ANKRD31: variants seen among roughly 807,000 people sequenced by gnomAD.
The protein encoded by ANKRD31 is ankyrin repeat domain-containing protein 31.
In ANKRD31, 147 loss-of-function variants were observed where a neutral mutation model predicts 186.0. The observed-to-expected ratio is 0.79, with a 90% confidence interval of 0.69 to 0.91. ANKRD31 has a LOEUF of 0.91. Ranked by LOEUF, ANKRD31 falls within the 40% of genes least tolerant of loss-of-function variation. ANKRD31 has a pLI of 0.00. For synonymous variants in ANKRD31, 673 were observed against 736.4 expected (o/e 0.91, Z 1.39); for missense variants, 1,986 against 2,148.8 (o/e 0.92, Z 1.50).
chr5:75,230,437 GTAAAATTGGTTTCCTTA>G (rs1042946229), intron 2 of ANKRD31, 108 bp downstream of exon 2: 6 of 652,630 alleles, frequency 9.2e-6, no homozygotes, highest in Non-Finnish European at 1.5e-5. Flanking sequence ...TTAGCTTATG[GTAAAATTGGTTTCCTTA>G]TAATTCATTT....
chr5:75,087,450 C>A (rs1056491195), intron 23 of ANKRD31, among the ~76,000 whole-genome samples: 1 of 151,680 alleles, frequency 6.6e-6, no homozygotes, highest in African/African-American at 2.4e-5. Flanking sequence ...GACGCTGCAG[C>A]GAGCTGAGAT....
At chr5:75,221,856 T>C (rs1444535216) in intron 3 of ANKRD31, among the ~76,000 whole-genome samples, 1 of 152,206 alleles carries the variant, frequency 6.6e-6, no homozygotes, top group Non-Finnish European at 1.5e-5. Context: ...TTCTCTATCT[T>C]ACTGTGTTGT....
rs755607372 is a variant in ANKRD31 at position 75,154,258 on chromosome 5, A to G, written c.1795T>C (p.Cys599Arg). The G allele has an allele frequency of 5.5e-5, 85 of 1,535,332 alleles. No homozygotes were observed. Among genetic ancestry groups the G allele is most frequent in the Non-Finnish European group, 6.9e-5 (79 of 1,145,900 alleles). The change falls in exon 12 of 26, where the codon TGT (cysteine) becomes CGT (arginine). Residue 599 changes from cysteine (C) to arginine (R), a missense_variant. Physicochemically the swap from Cys to Arg is radical, Grantham distance 180. Coordinates refer to ENST00000506364, the MANE Select transcript of ANKRD31 (RefSeq NM_001372053.1). ...TATCTCTCAAGGAGACGCTTCATAC[A>G]TAAATCCTTGGCCTCATCCAAAGCA... ...KCALDEAKDL[C>R]MKRLLERYIP...
intron 22 of ANKRD31, among the ~76,000 whole-genome samples, chr5:75,100,602 T>A (rs1262934326): frequency 6.6e-6 from 1 of 152,124 alleles, no homozygotes; most frequent in African/African-American, 2.4e-5. Context: ...TGAATCTGGG[T>A]GCTCCTGTAT....
chr5:75,236,358 G>C (rs1758274239), intron 1 of ANKRD31, among the ~76,000 whole-genome samples: 1 of 152,220 alleles, frequency 6.6e-6, no homozygotes, highest in African/African-American at 2.4e-5. Context: ...AAGCCACCTA[G>C]TACAAACCTC....
Position 75,091,282 on chromosome 5 carries a change from G to C in ANKRD31, c.5451C>G (p.Thr1817=). The C allele has an allele frequency of 6.5e-7, 1 of 1,536,738 alleles. No homozygotes were observed. Among genetic ancestry groups the C allele is most frequent in the Non-Finnish European group, 8.7e-7 (1 of 1,146,736 alleles). ...KDLLGGNSYV[T]WNYAWSKVTY... ...CCACCTTACTCCAAGCATAATTCCA[G>C]GTCACATAACTGTTGCCTCCCAGAA... Residue 1817 remains threonine (T), a synonymous_variant, in exon 23 of 26, where the codon ACC becomes ACG. Transcript: ENST00000506364.
intron 20 of ANKRD31, among the ~76,000 whole-genome samples, chr5:75,111,488 G>C (rs571579441): frequency 4.0e-4 from 61 of 152,166 alleles, no homozygotes; most frequent in Middle Eastern, 3.4e-3. Context: ...ACGAAAAGTA[G>C]AATGTGCAAA....
At chr5:75,230,486 A>T in intron 2 of ANKRD31, 76 bp downstream of exon 2, 1 of 1,162,864 alleles carries the variant, frequency 8.6e-7, no homozygotes, top group Non-Finnish European at 1.2e-6. Context: ...TCAGTTTCCA[A>T]GAACCTATCA....
intron 25 of ANKRD31, among the ~76,000 whole-genome samples, chr5:75,075,541 C>T (rs981426784): frequency 1.3e-5 from 2 of 152,064 alleles, no homozygotes; most frequent in African/African-American, 4.8e-5. Flanking sequence ...TCAATATACT[C>T]ACTGTTACTT....
At chr5:75,116,333 G>C (rs953830308) in intron 19 of ANKRD31, among the ~76,000 whole-genome samples, 1 of 151,334 alleles carries the variant, frequency 6.6e-6, no homozygotes, top group South Asian at 2.1e-4. Flanking sequence ...TGGGTGCAGC[G>C]CACCAGCATA....
At chr5:75,178,459 T>C (rs1386980058) in intron 10 of ANKRD31, among the ~76,000 whole-genome samples, 1 of 152,064 alleles carries the variant, frequency 6.6e-6, no homozygotes, top group Non-Finnish European at 1.5e-5. Flanking sequence ...CCACACCTAT[T>C]CCAAAATTGA....
At chr5:75,131,003 G>A (rs1749753555) in intron 17 of ANKRD31, among the ~76,000 whole-genome samples, 1 of 152,238 alleles carries the variant, frequency 6.6e-6, no homozygotes, top group African/African-American at 2.4e-5. Context: ...CCCACAAAGA[G>A]AGAACGGTGG....
At position 75,086,925 on chromosome 5, in the gene ANKRD31, T is replaced by C. The variant is rs186244506; in HGVS notation, c.5473-2551A>G. 3.3e-5 allele frequency among the ~76,000 whole-genome samples: 5 copies of C among 152,204 alleles called. No individual in the cohort carries two copies. In the East Asian group the frequency reaches 5.8e-4, roughly 18 times the overall value. ...CACACACATGCATGTTTGAGGAAAATAGATGACTCAGCCAGCCAGTATTCT... is the reference window on the plus strand; with the variant it reads ...CACACACATGCATGTTTGAGGAAAACAGATGACTCAGCCAGCCAGTATTCT... On this transcript the variant is annotated intron_variant, in intron 23 of 25. Coordinates refer to ENST00000506364, the MANE Select transcript of ANKRD31 (RefSeq NM_001372053.1).
rs1300414609 is a variant in ANKRD31, at chr5:75,193,477, G to A, written c.1132C>T (p.Gln378Ter). ...NSNSVTNSSDQETACVLRRSS... is the reference protein window; with the variant it reads ...NSNSVTNSSD Reference sequence around the variant, plus strand: ...CTCCTCAACACACACGCAGTTTCCTGATCAGAGCTATTTGTCACTGAATTT... The same window carrying A: ...CTCCTCAACACACACGCAGTTTCCTAATCAGAGCTATTTGTCACTGAATTT... Residue 378 changes from glutamine (Q) to a stop codon, truncating the protein, a stop_gained, in exon 8 of 26, where the codon CAG becomes TAG. Coordinates refer to ENST00000506364, the MANE Select transcript of ANKRD31 (RefSeq NM_001372053.1). LOFTEE classifies it high-confidence loss of function. 2 of 1,537,204 alleles carry A rather than the reference G, an allele frequency of 1.3e-6. No individual in the cohort carries two copies. The highest frequency in any genetic ancestry group is 1.7e-6 in the Non-Finnish European group (2 of 1,146,792).
chr5:75,146,709 T>A lies in ANKRD31; in HGVS notation c.2702A>T (p.Asp901Val), dbSNP rs1371088186. ...AGAGGTAGAGCAATCATCATCATCA[T>A]CATTATCAGAATTTTCCTTTACAAA... is the stretch of plus-strand genomic sequence containing the variant. ...LSFVKENSDN[D>V]DDDDCSTSEK... Residue 901 changes from aspartate to valine, a missense_variant, in exon 14 of 26, where the codon GAT becomes GTT. By Grantham distance (152) the Asp-to-Val change is radical. Transcript: ENST00000506364. 3 of 1,536,356 alleles carry A rather than the reference T, an allele frequency of 2.0e-6. No individual in the cohort carries two copies. Among genetic ancestry groups the A allele is most frequent in the Non-Finnish European group, 2.6e-6 (3 of 1,146,308 alleles).
Position 75,198,212 on chromosome 5 carries a change from C to T in ANKRD31, c.447+1419G>A, listed in dbSNP as rs182361958. Among the ~76,000 whole-genome samples the T allele has an allele frequency of 7.4e-4, 112 of 152,306 alleles. 1 individual carries two copies. Among genetic ancestry groups the T allele is most frequent in the African/African-American group, 2.5e-3 (106 of 41,580 alleles). On this transcript the variant is annotated intron_variant, in intron 6 of 25. Coordinates refer to ENST00000506364, the MANE Select transcript of ANKRD31 (RefSeq NM_001372053.1). ...TTCCCTTACCTTCTGCCCCCTTAAA[C>T]CTGTTCCAGACCCTAAATAGAGGAC...
chr5:75,174,942 T>G (rs572132843), intron 10 of ANKRD31, among the ~76,000 whole-genome samples: 1 of 152,314 alleles, frequency 6.6e-6, no homozygotes, highest in East Asian at 1.9e-4. Context: ...ATGTTTTTTG[T>G]GGCACTATTC....
chr5:75,140,002 C>A (rs1750892450), intron 15 of ANKRD31, among the ~76,000 whole-genome samples: 1 of 151,888 alleles, frequency 6.6e-6, no homozygotes, highest in African/African-American at 2.4e-5. Context: ...GCATCAGGGC[C>A]AGGCACGGTG....
intron 5 of ANKRD31, among the ~76,000 whole-genome samples, chr5:75,205,618 T>C (rs561981901): frequency 2.0e-5 from 3 of 152,202 alleles, no homozygotes; most frequent in African/African-American, 7.2e-5. Flanking sequence ...AGTTAAAGTA[T>C]ACGTAAGAGC....
Sources: gnomAD v4.1 joint callset for allele counts (sites outside exome capture counted in the v4.1 genomes callset) on GRCh38, gnomAD v4.1.1 for gene constraint, MANE v1.5 for transcripts, NCBI Gene and HGNC (gene_info 2026-07-23, HGNC 2026-07-21) for gene names.